The following YTHDF2 variants were observed in gnomAD, a reference collection of about 807,000 sequenced individuals.
YTHDF2 encodes YTH domain-containing family protein 2.
Under a neutral mutation model 50.4 loss-of-function variants are expected in YTHDF2, and 2 were observed. That is an observed-to-expected ratio of 0.04 (90% CI 0.02 to 0.12). The LOEUF (loss-of-function observed/expected upper bound fraction) is 0.12. Among genes scored for constraint, YTHDF2 ranks in the 10% least tolerant of loss-of-function variants. YTHDF2 has a pLI of 1.00. For synonymous variants in YTHDF2, 217 were observed against 255.6 expected (o/e 0.85, Z 1.44); for missense variants, 483 against 722.6 (o/e 0.67, Z 3.80).
chr1:28,753,106 A>G (rs2087981669), intron 4 of YTHDF2, among the ~76,000 whole-genome samples: 1 of 151,968 alleles, frequency 6.6e-6, no homozygotes. Context: ...CAGTTTAGCA[A>G]AGAAGTTGCT....
At chr1:28,753,737 C>T (rs1268202243) in intron 4 of YTHDF2, among the ~76,000 whole-genome samples, 5 of 146,616 alleles carry the variant, frequency 3.4e-5, no homozygotes, top group South Asian at 2.2e-4. Context: ...ACAAAAATCT[C>T]GCTTTGTCCC....
chr1:28,748,582 C>G (rs898879560), intron 4 of YTHDF2, among the ~76,000 whole-genome samples: 5 of 152,240 alleles, frequency 3.3e-5, no homozygotes, highest in African/African-American at 1.2e-4. Context: ...CTGACTTGTT[C>G]TGCATGATCT....
At chr1:28,768,098 G>A (rs2088246445) in intron 4 of YTHDF2, among the ~76,000 whole-genome samples, 1 of 151,778 alleles carries the variant, frequency 6.6e-6, no homozygotes, top group Non-Finnish European at 1.5e-5. Flanking sequence ...CTACTCAGGA[G>A]GCTGAGGCAG....
chr1:28,745,644 G>C (rs1428972325), intron 4 of YTHDF2, among the ~76,000 whole-genome samples: 1 of 149,946 alleles, frequency 6.7e-6, no homozygotes, highest in Non-Finnish European at 1.5e-5. Flanking sequence ...AGAATCACTT[G>C]AACCCCGAAG....
intron 3 of YTHDF2, chr1:28,740,446 A>G (rs183849736): frequency 6.0e-4 from 91 of 152,348 alleles, no homozygotes; most frequent in African/African-American, 2.1e-3. Context: ...TTGGCTAATA[A>G]TATAAATCTT....
chr1:28,737,986 ACT>A (rs1438523279), intron 2 of YTHDF2, among the ~76,000 whole-genome samples: 1 of 151,374 alleles, frequency 6.6e-6, no homozygotes, highest in African/African-American at 2.4e-5. Flanking sequence ...CTCTGGAAGT[ACT>A]CTCATGTGAT....
chr1:28,745,262 G>A (rs2087840643), intron 4 of YTHDF2, among the ~76,000 whole-genome samples: 1 of 152,118 alleles, frequency 6.6e-6, no homozygotes, highest in Admixed American at 6.6e-5. Flanking sequence ...AGTAGGGATG[G>A]TTGCTATTTT....
At chr1:28,741,735 T>TG (rs2087780267) in intron 3 of YTHDF2, among the ~76,000 whole-genome samples, 1 of 152,232 alleles carries the variant, frequency 6.6e-6, no homozygotes, top group African/African-American at 2.4e-5. Context: ...GCTTTTTGGT[T>TG]TATGATTGAG....
At position 28,746,191 on chromosome 1, in the gene YTHDF2, T is replaced by C. The variant is rs150214120; in HGVS notation, c.1716+2205T>C. 2.0e-5 allele frequency among the ~76,000 whole-genome samples: 3 copies of C among 152,336 alleles called. No individual in the cohort carries two copies. In the East Asian group the frequency reaches 5.8e-4, roughly 29 times the overall value. ...ATCTTTTAGGCATCTTTTAGTAGCA[T>C]AGCAGATTTATAGACGTCTGAGGGG... is the stretch of plus-strand genomic sequence containing the variant. On this transcript the variant is annotated intron_variant, in intron 4 of 4. Coordinates refer to ENST00000373812, the MANE Select transcript of YTHDF2 (RefSeq NM_016258.3).
intron 1 of YTHDF2, 104 bp downstream of exon 1, chr1:28,737,251 C>T (rs1157631874): frequency 9.9e-6 from 14 of 1,418,916 alleles, no homozygotes; most frequent in Admixed American, 8.0e-5. Context: ...GCCGAGGCGT[C>T]GTCTCTTGCG....
At chr1:28,748,679 C>G (rs1360022073) in intron 4 of YTHDF2, among the ~76,000 whole-genome samples, 1 of 152,138 alleles carries the variant, frequency 6.6e-6, no homozygotes, top group African/African-American at 2.4e-5. Context: ...ATGTGACTTA[C>G]TTTTATTTTT....
intron 2 of YTHDF2, 185 bp downstream of exon 2, chr1:28,737,867 C>A: frequency 1.1e-5 from 7 of 647,772 alleles, no homozygotes; most frequent in Non-Finnish European, 1.8e-5. Flanking sequence ...TTTTCGCTAA[C>A]AAGGAGTAAT....
At chr1:28,737,740 C>CGGGGGGGGGGGGGGGGG in intron 2 of YTHDF2, 58 bp downstream of exon 2, 2 of 1,321,656 alleles carry the variant, frequency 1.5e-6, no homozygotes, top group Non-Finnish European at 1.1e-6. Context: ...GCGGTGGGGG[C>CGGGGGGGGGGGGGGGGG]GGGGTCTCCG....
chr1:28,749,996 T>TTG (rs1553144612), intron 4 of YTHDF2, among the ~76,000 whole-genome samples: 2 of 144,376 alleles, frequency 1.4e-5, no homozygotes, highest in Non-Finnish European at 3.0e-5. Context: ...GTTTTTTTTT[T>TTG]TTTTTTTTTT....
intron 4 of YTHDF2, among the ~76,000 whole-genome samples, chr1:28,767,730 G>T (rs1426572417): frequency 2.7e-5 from 4 of 150,142 alleles, no homozygotes; most frequent in African/African-American, 9.8e-5. Context: ...GGATGGTCTC[G>T]ATCTCCTGAC....
chr1:28,768,396 T>G (rs1367161860), intron 4 of YTHDF2, among the ~76,000 whole-genome samples: 1 of 150,850 alleles, frequency 6.6e-6, no homozygotes, highest in African/African-American at 2.4e-5. Context: ...GTGGGTTTGT[T>G]TTTTTTTTTC....
intron 2 of YTHDF2, chr1:28,737,932 T>C: frequency 1.7e-6 from 1 of 587,984 alleles, no homozygotes; most frequent in Non-Finnish European, 3.0e-6. Flanking sequence ...CTTAGTTTCC[T>C]GTAGGTCTTA....
At chr1:28,764,757 G>A (rs1012112964) in intron 4 of YTHDF2, among the ~76,000 whole-genome samples, 1 of 152,170 alleles carries the variant, frequency 6.6e-6, no homozygotes, top group African/African-American at 2.4e-5. Flanking sequence ...TGGCCATGCT[G>A]GTCTCGAACT....
At chr1:28,759,676 C>G (rs945159941) in intron 4 of YTHDF2, among the ~76,000 whole-genome samples, 2 of 152,198 alleles carry the variant, frequency 1.3e-5, no homozygotes, top group Non-Finnish European at 2.9e-5. Context: ...GATAAGGGGA[C>G]TGGGTACGGT....
Sources: allele counts gnomAD v4.1 joint callset (sites outside exome capture counted in the v4.1 genomes callset), GRCh38; gene constraint gnomAD v4.1.1; transcripts MANE v1.5; gene names NCBI Gene and HGNC (gene_info 2026-07-23, HGNC 2026-07-21).